SLC24A2: variants seen among roughly 807,000 people sequenced by gnomAD.
The protein encoded by SLC24A2 is sodium/potassium/calcium exchanger 2.
A neutral mutation model predicts 62.0 loss-of-function variants in SLC24A2; 36 were observed. The observed-to-expected ratio is 0.58, with a 90% CI of 0.44 to 0.77. SLC24A2 has a LOEUF of 0.77. Among genes scored for constraint, SLC24A2 ranks in the 30% least tolerant of loss-of-function variants. The pLI is 0.00. For synonymous variants in SLC24A2, 358 were observed against 294.0 expected (o/e 1.22, Z -2.23); for missense variants, 846 against 817.9 (o/e 1.03, Z -0.42).
the SLC24A2 span, among the ~76,000 whole-genome samples, chr9:20,286,821 G>A: frequency 0.27 from 41,485 of 152,118 alleles, 5,899 homozygotes; most frequent in Middle Eastern, 0.41. Flanking sequence ...GCACTACAGA[G>A]GAGGCCGAGA....
chr9:19,962,788 A>C, the SLC24A2 span, among the ~76,000 whole-genome samples: 1 of 152,176 alleles, frequency 6.6e-6, no homozygotes, highest in Admixed American at 6.5e-5. Flanking sequence ...TAGATATACA[A>C]TCATGTTGTC....
rs1378980162 is a variant in SLC24A2, at chr9:19,514,658, G to C, written c.*1495C>G. The stretch of plus-strand genomic sequence containing the variant: ...AATCAAGAAATCAAATTGTTGGAGT[G>C]AATAGCTTGAAACCAGTATAAGGAA... On this transcript the variant is annotated 3_prime_UTR_variant, in exon 11 of 11. Coordinates refer to ENST00000341998, the MANE Select transcript of SLC24A2 (RefSeq NM_020344.4). 6.6e-6 allele frequency: 1 copy of C among 152,164 alleles called. No individual in the cohort carries two copies. Among genetic ancestry groups the C allele is most frequent in the Admixed American group, 6.5e-5 (1 of 15,278 alleles). 9.4% of individuals were successfully genotyped at this position (152,164 alleles called of 1,614,324 possible).
At chr9:19,887,290 A>C in the SLC24A2 span, among the ~76,000 whole-genome samples, 1 of 152,188 alleles carries the variant, frequency 6.6e-6, no homozygotes, top group Non-Finnish European at 1.5e-5. Flanking sequence ...AGTTCCTTGT[A>C]GATTCTGGAT....
upstream of SLC24A2, among the ~76,000 whole-genome samples, chr9:19,792,692 G>C (rs113716843): frequency 0.056 from 7,805 of 138,452 alleles, 242 homozygotes; most frequent in African/African-American, 0.085. Flanking sequence ...TGGGAAACAA[G>C]AACAAAACTC....
chr9:19,816,167 AG>A, the SLC24A2 span, among the ~76,000 whole-genome samples: 8 of 152,004 alleles, frequency 5.3e-5, no homozygotes, highest in African/African-American at 1.7e-4. Context: ...TTCTTTGCAT[AG>A]TTAAATCCTC....
chr9:20,088,777 G>T, the SLC24A2 span, among the ~76,000 whole-genome samples: 1 of 152,042 alleles, frequency 6.6e-6, no homozygotes, highest in East Asian at 1.9e-4. Flanking sequence ...CTGCATCGGG[G>T]TCCCCAGCCT....
chr9:20,012,930 C>A, the SLC24A2 span, among the ~76,000 whole-genome samples: 1 of 151,202 alleles, frequency 6.6e-6, no homozygotes, highest in Non-Finnish European at 1.5e-5. Context: ...GATAGATATC[C>A]CATACTCACG....
At chr9:20,174,995 T>C in the SLC24A2 span, among the ~76,000 whole-genome samples, 3 of 136,916 alleles carry the variant, frequency 2.2e-5, no homozygotes, top group African/African-American at 8.3e-5. Flanking sequence ...CTGATATATA[T>C]ATATATCAGT....
the SLC24A2 span, among the ~76,000 whole-genome samples, chr9:20,229,279 C>T: frequency 6.6e-6 from 1 of 152,130 alleles, no homozygotes; most frequent in Non-Finnish European, 1.5e-5. Context: ...ACAGTGTGAC[C>T]TTGATCAAGT....
At chr9:19,924,605 G>A in the SLC24A2 span, among the ~76,000 whole-genome samples, 1 of 152,176 alleles carries the variant, frequency 6.6e-6, no homozygotes, top group Non-Finnish European at 1.5e-5. Context: ...CCATGAGGGT[G>A]TGACTCCTCC....
chr9:19,895,229 G>A, the SLC24A2 span, among the ~76,000 whole-genome samples: 1 of 139,628 alleles, frequency 7.2e-6, no homozygotes, highest in Non-Finnish European at 1.6e-5. Context: ...GGTTTATTTT[G>A]TTTTTTTTTT....
the SLC24A2 span, among the ~76,000 whole-genome samples, chr9:20,103,864 G>A: frequency 2.0e-5 from 3 of 152,122 alleles, no homozygotes; most frequent in Non-Finnish European, 2.9e-5. Flanking sequence ...ACTTTGACGA[G>A]TTGAGAGAAG....
At chr9:19,769,674 A>G (rs1587298602) in intron 2 of SLC24A2, among the ~76,000 whole-genome samples, 2 of 152,306 alleles carry the variant, frequency 1.3e-5, no homozygotes, top group South Asian at 2.1e-4. Context: ...GCTGCATCCT[A>G]CGCTGTGCAT....
chr9:19,926,965 C>G, the SLC24A2 span: 1 of 152,484 alleles, frequency 6.6e-6, no homozygotes, highest in South Asian at 2.1e-4. Context: ...TCCCAGGCCT[C>G]TTTTCACAGC....
chr9:20,136,662 A>G, the SLC24A2 span, among the ~76,000 whole-genome samples: 1 of 152,130 alleles, frequency 6.6e-6, no homozygotes. Context: ...TTATTTTTTC[A>G]AGAAACAGGT....
chr9:19,541,483 C>G (rs1834251448), intron 8 of SLC24A2, among the ~76,000 whole-genome samples: 1 of 150,756 alleles, frequency 6.6e-6, no homozygotes, highest in African/African-American at 2.4e-5. Context: ...TGTCAGTGTG[C>G]CCCTGCTGGG....
chr9:19,526,827 G>C (rs117869476), intron 9 of SLC24A2, among the ~76,000 whole-genome samples: 7 of 148,424 alleles, frequency 4.7e-5, no homozygotes, highest in Non-Finnish European at 1.0e-4. Flanking sequence ...GTTTCCTGAA[G>C]AGCAAAAGTT....
chr9:19,661,799 C>T (rs1343461711), intron 2 of SLC24A2, among the ~76,000 whole-genome samples: 1 of 152,178 alleles, frequency 6.6e-6, no homozygotes, highest in Admixed American at 6.6e-5. Flanking sequence ...ATCGTTGCTG[C>T]CAATAATGGG....
chr9:20,205,566 G>C, the SLC24A2 span, among the ~76,000 whole-genome samples: 1 of 148,940 alleles, frequency 6.7e-6, no homozygotes, highest in Admixed American at 6.8e-5. Flanking sequence ...CAGGAGATTG[G>C]TGTGAACCCA....
Sources: gnomAD v4.1 joint callset for allele counts (sites outside exome capture counted in the v4.1 genomes callset) on GRCh38, gnomAD v4.1.1 for gene constraint, MANE v1.5 for transcripts, NCBI Gene and HGNC (gene_info 2026-07-23, HGNC 2026-07-21) for gene names.